SLC16A7: variants seen among roughly 807,000 people sequenced by gnomAD.
SLC16A7 encodes the protein monocarboxylate transporter 2.
Under a neutral mutation model 34.9 loss-of-function variants are expected in SLC16A7, and 33 were observed. The ratio of observed to expected loss-of-function variants is 0.94; its 90% CI spans 0.72 to 1.26. The LOEUF is 1.26. Ranked by LOEUF, SLC16A7 falls within the 50% of genes most tolerant of loss-of-function variation. The pLI, the probability that SLC16A7 is intolerant of heterozygous loss-of-function variation, is 0.00. For synonymous variants in SLC16A7, 201 were observed against 206.6 expected (o/e 0.97, Z 0.23); for missense variants, 573 against 578.1 (o/e 0.99, Z 0.09).
At chr12:59,739,752 G>A (rs1360526981) in intron 3 of SLC16A7, among the ~76,000 whole-genome samples, 2 of 152,238 alleles carry the variant, frequency 1.3e-5, no homozygotes, top group Non-Finnish European at 2.9e-5. Context: ...GGTGTGAGAT[G>A]GTATCTCATT....
At chr12:59,697,747 A>G (rs1442328487) in intron 2 of SLC16A7, among the ~76,000 whole-genome samples, 1 of 151,664 alleles carries the variant, frequency 6.6e-6, no homozygotes. Flanking sequence ...AAACAAACAT[A>G]TATGGGCCTA....
intron 2 of SLC16A7, among the ~76,000 whole-genome samples, chr12:59,690,047 G>A (rs1258209779): frequency 6.6e-6 from 1 of 151,930 alleles, no homozygotes; most frequent in Non-Finnish European, 1.5e-5. Flanking sequence ...AAAGGATTCT[G>A]TGGCTTTAAA....
At chr12:59,770,950 A>G (rs970666362) in intron 3 of SLC16A7, among the ~76,000 whole-genome samples, 1 of 152,168 alleles carries the variant, frequency 6.6e-6, no homozygotes, top group African/African-American at 2.4e-5. Context: ...TTTTCCATCA[A>G]GATTTGAATG....
intron 3 of SLC16A7, among the ~76,000 whole-genome samples, chr12:59,756,806 C>T (rs1337662194): frequency 7.5e-6 from 1 of 133,408 alleles, no homozygotes; most frequent in Non-Finnish European, 1.6e-5. Context: ...CACATGCACA[C>T]GTATATTTAT....
chr12:59,725,797 G>A (rs1795885), intron 3 of SLC16A7, among the ~76,000 whole-genome samples: 19,494 of 151,908 alleles, frequency 0.13, 1,298 homozygotes, highest in East Asian at 0.18. Context: ...CTTAATCACC[G>A]CTCATAAATT....
chr12:59,699,333 G>A (rs1387976474), intron 2 of SLC16A7, among the ~76,000 whole-genome samples: 1 of 151,508 alleles, frequency 6.6e-6, no homozygotes, highest in Non-Finnish European at 1.5e-5. Context: ...GAACAGAATG[G>A]CTCTAACTAC....
At chr12:59,650,019 C>T (rs1332124627) in intron 1 of SLC16A7, among the ~76,000 whole-genome samples, 2 of 151,960 alleles carry the variant, frequency 1.3e-5, no homozygotes, top group African/African-American at 4.8e-5. Flanking sequence ...TAATATTTCA[C>T]TTTTTCAAGG....
intron 1 of SLC16A7, among the ~76,000 whole-genome samples, chr12:59,621,843 TTCCAG>T (rs1879709632): frequency 6.6e-6 from 1 of 151,810 alleles, no homozygotes. Flanking sequence ...TATTCATGAA[TTCCAG>T]TGATGGAAAT....
intron 2 of SLC16A7, among the ~76,000 whole-genome samples, chr12:59,673,493 T>C (rs1404718095): frequency 6.6e-6 from 1 of 151,952 alleles, no homozygotes; most frequent in African/African-American, 2.4e-5. Flanking sequence ...TTTTTTTTTT[T>C]TTTGGCCACA....
intron 3 of SLC16A7, among the ~76,000 whole-genome samples, chr12:59,758,075 TA>T (rs1880595466): frequency 1.3e-5 from 2 of 152,020 alleles, no homozygotes; most frequent in Admixed American, 6.6e-5. Context: ...ACACAAGGGT[TA>T]GGGGGACCAA....
chr12:59,630,102 C>A (rs1367614999), intron 1 of SLC16A7, among the ~76,000 whole-genome samples: 1 of 151,626 alleles, frequency 6.6e-6, no homozygotes, highest in Non-Finnish European at 1.5e-5. Flanking sequence ...TGCGATACAC[C>A]CTGACTCTCC....
chr12:59,751,576 T>G (rs2137331162), intron 3 of SLC16A7, among the ~76,000 whole-genome samples: 1 of 152,346 alleles, frequency 6.6e-6, no homozygotes, highest in East Asian at 1.9e-4. Context: ...TGCCCAGGCT[T>G]GCTTAGGTAA....
At chr12:59,649,671 AG>A in intron 1 of SLC16A7, among the ~76,000 whole-genome samples, 1 of 152,170 alleles carries the variant, frequency 6.6e-6, no homozygotes, top group Non-Finnish European at 1.5e-5. Context: ...GTTCTAGGCC[AG>A]ACAAGGTGGC....
intron 2 of SLC16A7, among the ~76,000 whole-genome samples, chr12:59,674,931 T>A (rs1473959553): frequency 1.3e-5 from 2 of 152,156 alleles, no homozygotes; most frequent in African/African-American, 4.8e-5. Flanking sequence ...GGTTTAGGAC[T>A]TCTAAAATAC....
intron 1 of SLC16A7, among the ~76,000 whole-genome samples, chr12:59,598,889 C>T (rs1275626200): frequency 6.6e-6 from 1 of 152,178 alleles, no homozygotes; most frequent in Non-Finnish European, 1.5e-5. Context: ...ATATTCCAGG[C>T]ACTGTGCTAC....
At chr12:59,637,247 G>A (rs1211383638) in intron 1 of SLC16A7, among the ~76,000 whole-genome samples, 2 of 152,086 alleles carry the variant, frequency 1.3e-5, no homozygotes, top group African/African-American at 4.8e-5. Flanking sequence ...CTAAATTTAA[G>A]ATACCACAAA....
At chr12:59,751,810 G>T (rs1199155562) in intron 3 of SLC16A7, among the ~76,000 whole-genome samples, 2 of 152,182 alleles carry the variant, frequency 1.3e-5, no homozygotes, top group Admixed American at 6.5e-5. Context: ...TCCTCAAGTG[G>T]GTCCCTGACC....
At position 59,598,196 on chromosome 12, in the gene SLC16A7, C is replaced by T. The variant is rs536721767; in HGVS notation, c.-130+1960C>T. Among the ~76,000 whole-genome samples, 10 of 152,202 alleles carry T rather than the reference C, an allele frequency of 6.6e-5. 1 individual carries two copies. The highest frequency in any genetic ancestry group is 6.5e-4 in the Admixed American group (10 of 15,282). ...TGGAAAAAGGGAATTAACTTTAGAACAGATTGGTTCTGCACTTTTGTAAGG... is the reference window on the plus strand; with the variant it reads ...TGGAAAAAGGGAATTAACTTTAGAATAGATTGGTTCTGCACTTTTGTAAGG... On this transcript the variant is annotated intron_variant, in intron 1 of 5. Coordinates refer to ENST00000547379, the MANE Select transcript of SLC16A7 (RefSeq NM_001270623.2).
intron 3 of SLC16A7, chr12:59,768,410 A>G (rs1881894779): frequency 3.7e-6 from 1 of 272,346 alleles, no homozygotes; most frequent in South Asian, 3.8e-5. Context: ...CTGCAATCTT[A>G]TAAAACTTGA....
Sources: gnomAD v4.1 joint callset for allele counts (sites outside exome capture counted in the v4.1 genomes callset) on GRCh38, gnomAD v4.1.1 for gene constraint, MANE v1.5 for transcripts, NCBI Gene and HGNC (gene_info 2026-07-23, HGNC 2026-07-21) for gene names.